The following NAV2 variants were observed in gnomAD, a reference collection of about 807,000 sequenced individuals.
NAV2 encodes the protein helicase, APC down-regulated 1.
Under a neutral mutation model 223.2 loss-of-function variants are expected in NAV2, and 54 were observed. That is an observed-to-expected ratio of 0.24 (90% confidence interval 0.19 to 0.30). NAV2 has a LOEUF of 0.30. Ranked by LOEUF, NAV2 falls within the 10% of genes least tolerant of loss-of-function variation. The pLI is 1.00. For synonymous variants in NAV2, 1,279 were observed against 1,239.3 expected, an observed-to-expected ratio of 1.03 and a Z score of -0.67; for missense variants, 2,806 against 3,147.5, an observed-to-expected ratio of 0.89 and a Z score of 2.60.
chr11:19,962,247 C>T (rs1242033396), intron 10 of NAV2, among the ~76,000 whole-genome samples: 1 of 151,822 alleles, frequency 6.6e-6, no homozygotes, highest in African/African-American at 2.4e-5. Flanking sequence ...AAGCCTTCAA[C>T]TGATTGGATG....
chr11:19,916,526 GT>G (rs2043821566), intron 6 of NAV2, among the ~76,000 whole-genome samples: 1 of 152,238 alleles, frequency 6.6e-6, no homozygotes, highest in Admixed American at 6.5e-5. Context: ...AGTAACAACT[GT>G]GTTAAATTGA....
intron 29 of NAV2, among the ~76,000 whole-genome samples, 182 bp from the exon 30 acceptor site, chr11:20,095,489 TA>T (rs2061186395): frequency 6.6e-6 from 1 of 152,234 alleles, no homozygotes; most frequent in Non-Finnish European, 1.5e-5. Context: ...GTTTTAGCAG[TA>T]AAGCAGGGAA....
In NAV2 at chr11:19,946,451, C is replaced by T; in HGVS notation, c.2197C>T (p.Leu733=). Reference sequence around the variant, plus strand: ...GCGGACAGTGAAGAACATCGCTGATCTGCGGCAGAATTTGGAGGAAACCAT... The same window carrying T: ...GCGGACAGTGAAGAACATCGCTGATTTGCGGCAGAATTTGGAGGAAACCAT... ...RLRTVKNIAD[L]RQNLEETMSS... Residue 733 remains leucine, a synonymous_variant, in exon 9 of 38, where the codon CTG becomes TTG. Transcript: ENST00000349880. 1 of 1,613,794 alleles carries T rather than the reference C, an allele frequency of 6.2e-7. No homozygotes were observed. Among genetic ancestry groups the T allele is most frequent in the Non-Finnish European group, 8.5e-7 (1 of 1,179,894 alleles).
At chr11:19,448,850 A>C (rs536208235) in intron 1 of NAV2, among the ~76,000 whole-genome samples, 1 of 152,350 alleles carries the variant, frequency 6.6e-6, no homozygotes, top group Non-Finnish European at 1.5e-5. Context: ...TTGGCAATGA[A>C]GTTATGGTCT....
intron 10 of NAV2, among the ~76,000 whole-genome samples, chr11:19,950,756 G>C (rs2047327178): frequency 6.6e-6 from 1 of 152,186 alleles, no homozygotes; most frequent in Non-Finnish European, 1.5e-5. Flanking sequence ...AGATTCATTG[G>C]AGAAAGGACA....
intron 29 of NAV2, among the ~76,000 whole-genome samples, chr11:20,095,361 G>T (rs990292752): frequency 1.3e-5 from 2 of 152,194 alleles, no homozygotes; most frequent in African/African-American, 4.8e-5. Context: ...ATGCTAGACA[G>T]ATGTGGAGAG....
intron 11 of NAV2, among the ~76,000 whole-genome samples, chr11:20,012,398 G>T (rs191220944): frequency 6.6e-6 from 1 of 152,126 alleles, no homozygotes; most frequent in Non-Finnish European, 1.5e-5. Context: ...ACTCATGGCC[G>T]GGCACAGTGG....
Position 20,078,047 on chromosome 11 carries a change from G to T in NAV2, c.5122G>T (p.Ala1708Ser). Reference protein sequence around the residue: ...KTIELLKKQNAAAQAAINGVI... With the variant: ...KTIELLKKQNSAAQAAINGVI... ...CATTGAGCTGCTAAAGAAACAGAACGCAGCTGCCCAGGCTGCCATTAATGG... is the reference window on the plus strand; with the variant it reads ...CATTGAGCTGCTAAAGAAACAGAACTCAGCTGCCCAGGCTGCCATTAATGG... The change falls in exon 24 of 38, where the codon GCA (alanine) becomes TCA (serine). Residue 1708 changes from alanine to serine, a missense_variant. Ala to Ser is a moderately conservative substitution (Grantham distance 99, BLOSUM62 1). This residue lies in a region of NAV2 where 824 missense variants were observed against 1,069.4 expected (regional missense o/e 0.77). Coordinates refer to ENST00000349880, the MANE Select transcript of NAV2 (RefSeq NM_145117.5). 3 of 1,613,120 alleles carry T rather than the reference G, an allele frequency of 1.9e-6. No homozygotes were observed. Among genetic ancestry groups the T allele is most frequent in the Non-Finnish European group, 2.5e-6 (3 of 1,179,804 alleles).
chr11:20,000,722 G>A lies in NAV2; in HGVS notation c.2768+16475G>A, dbSNP rs547748549. 4.6e-5 allele frequency among the ~76,000 whole-genome samples: 7 copies of A among 152,280 alleles called. No individual in the cohort carries two copies. In the East Asian group the frequency reaches 1.4e-3, roughly 29 times the overall value. On this transcript the variant is annotated intron_variant, in intron 11 of 37. Transcript: ENST00000349880. ...TCTGTACACAAGCAGCACTTGTCAT[G>A]CTAATGACCCAGCCTCTCTGGTGCC... is the stretch of plus-strand genomic sequence containing the variant.
At chr11:19,867,995 A>T (rs1337810196) in intron 3 of NAV2, among the ~76,000 whole-genome samples, 1 of 152,176 alleles carries the variant, frequency 6.6e-6, no homozygotes. Context: ...ATACTGTGGA[A>T]GGCAATCATT....
intron 2 of NAV2, among the ~76,000 whole-genome samples, chr11:19,835,070 G>A (rs973220447): frequency 6.6e-6 from 1 of 152,216 alleles, no homozygotes; most frequent in Non-Finnish European, 1.5e-5. Flanking sequence ...GAGTATGTAT[G>A]TTGTGCATTT....
intron 10 of NAV2, among the ~76,000 whole-genome samples, chr11:19,966,285 C>G (rs1185688421): frequency 6.6e-6 from 1 of 152,158 alleles, no homozygotes; most frequent in Non-Finnish European, 1.5e-5. Flanking sequence ...CAATATATCC[C>G]CATACCACCC....
chr11:19,555,296 G>A (rs1054931637), intron 1 of NAV2, among the ~76,000 whole-genome samples: 6 of 152,342 alleles, frequency 3.9e-5, no homozygotes, highest in Admixed American at 1.3e-4. Flanking sequence ...GAGCTGCAGA[G>A]TGATCCCCAC....
At chr11:19,346,552 G>A (rs772045834), upstream of NAV2, among the ~76,000 whole-genome samples, 1 of 152,238 alleles carries the variant, frequency 6.6e-6, no homozygotes, top group Non-Finnish European at 1.5e-5. Context: ...CTCAGGCGGC[G>A]GCGGTGGCAG....
Position 19,649,049 on chromosome 11 carries a change from G to A in NAV2, c.76-183435G>A, listed in dbSNP as rs1287358948. Among the ~76,000 whole-genome samples the A allele has an allele frequency of 3.3e-5, 5 of 152,052 alleles. No homozygotes were observed. In the South Asian group the frequency reaches 6.2e-4, roughly 19 times the overall value. On this transcript the variant is annotated intron_variant, in intron 1 of 37. Coordinates refer to the NAV2 transcript ENST00000360655. ...TTTTTATCCATAGAAATTTGTTTTC[G>A]TGGCTCTATAGTATTCTATCATGTG...
At chr11:19,920,121 A>G (rs2044154477) in intron 6 of NAV2, among the ~76,000 whole-genome samples, 2 of 152,128 alleles carry the variant, frequency 1.3e-5, no homozygotes, top group Non-Finnish European at 2.9e-5. Flanking sequence ...GCAACAGAGC[A>G]AGACCCTGTC....
chr11:19,671,237 T>C (rs183948992), intron 1 of NAV2, among the ~76,000 whole-genome samples: 4 of 152,358 alleles, frequency 2.6e-5, no homozygotes, highest in Admixed American at 6.5e-5. Context: ...GGTTTGTGCT[T>C]TAAAAAACTT....
rs762417227 is a variant in NAV2 at position 20,083,114 on chromosome 11, A to G, written c.5433A>G (p.Pro1811=). 18 of 1,613,980 alleles carry G rather than the reference A, an allele frequency of 1.1e-5. No individual in the cohort carries two copies. The highest frequency in any genetic ancestry group is 1.5e-5 in the Non-Finnish European group (18 of 1,179,998). Residue 1811 remains proline, a synonymous_variant, in exon 26 of 38, where the codon CCA becomes CCG. Transcript: ENST00000349880. ...EMTDSSLPSS[P]KLPHNGSTGS... ...CGGATTCTTCTTTGCCTTCCTCACC[A>G]AAGTTACCGCACAATGGGTCCACAG...
At chr11:19,504,475 C>G (rs757859661) in intron 1 of NAV2, 2 of 152,154 alleles carry the variant, frequency 1.3e-5, no homozygotes, top group Non-Finnish European at 2.9e-5. Context: ...ATGTAATGCG[C>G]TGCTTTGGGG....
Sources: gnomAD v4.1 joint callset for allele counts (sites outside exome capture counted in the v4.1 genomes callset) on GRCh38, gnomAD v4.1.1 for gene constraint, gnomAD v4.1.1 regional missense constraint, MANE v1.5 for transcripts, NCBI Gene and HGNC (gene_info 2026-07-23, HGNC 2026-07-21) for gene names.